The following NRG1 variants were observed in gnomAD, a reference collection of about 807,000 sequenced individuals.
NRG1 encodes the protein pro-neuregulin-1, membrane-bound isoform.
Under a neutral mutation model 63.8 loss-of-function variants are expected in NRG1, and 18 were observed. That is an observed-to-expected ratio of 0.28 (90% CI 0.19 to 0.42). The LOEUF is 0.42. NRG1 is among the 10% of genes least tolerant of loss of function. The probability of loss-of-function intolerance (pLI) is 1.00; values close to 1 mark genes in which losing one functional copy is unlikely to be tolerated. For synonymous variants in NRG1, 302 were observed against 301.3 expected (o/e 1.00, Z -0.02); for missense variants, 762 against 814.7 (o/e 0.94, Z 0.79).
chr8:31,648,617 AT>A (rs1804540672), intron 1 of NRG1, among the ~76,000 whole-genome samples: 1 of 152,010 alleles, frequency 6.6e-6, no homozygotes, highest in Non-Finnish European at 1.5e-5. Flanking sequence ...TGCCTCTCTG[AT>A]TTTTACTAAG....
At chr8:31,752,985 T>G (rs1265818038) in intron 1 of NRG1, among the ~76,000 whole-genome samples, 1 of 152,100 alleles carries the variant, frequency 6.6e-6, no homozygotes, top group Non-Finnish European at 1.5e-5. Context: ...TGTCACTAAC[T>G]TGCTGTGTCA....
At chr8:32,430,318 C>T (rs898264239) in intron 1 of NRG1, among the ~76,000 whole-genome samples, 1 of 152,172 alleles carries the variant, frequency 6.6e-6, no homozygotes, top group Non-Finnish European at 1.5e-5. Context: ...TATAATATTT[C>T]TCTGCTTCAC....
At chr8:32,568,782 A>G (rs1400943702) in intron 1 of NRG1, among the ~76,000 whole-genome samples, 1 of 152,366 alleles carries the variant, frequency 6.6e-6, no homozygotes, top group East Asian at 1.9e-4. Flanking sequence ...CTTTGAAAAT[A>G]GTATCTAGGT....
At chr8:32,596,249 G>A (rs552952052) in intron 2 of NRG1, among the ~76,000 whole-genome samples, 1 of 152,276 alleles carries the variant, frequency 6.6e-6, no homozygotes, top group South Asian at 2.1e-4. Context: ...AGTAAGAAGA[G>A]ATGGAAGGGA....
chr8:32,665,398 T>A (rs1803880914), intron 5 of NRG1, among the ~76,000 whole-genome samples: 2 of 152,194 alleles, frequency 1.3e-5, no homozygotes, highest in South Asian at 4.1e-4. Context: ...TCCTGTTTAT[T>A]CATGGAGTAT....
intron 1 of NRG1, among the ~76,000 whole-genome samples, chr8:32,358,802 G>C (rs372206766): frequency 6.6e-6 from 1 of 152,186 alleles, no homozygotes; most frequent in East Asian, 1.9e-4. Flanking sequence ...AGTCAGGAGA[G>C]GGCCAAAGAC....
chr8:31,692,345 G>T (rs964177554), intron 1 of NRG1, among the ~76,000 whole-genome samples: 2 of 152,100 alleles, frequency 1.3e-5, no homozygotes, highest in African/African-American at 4.8e-5. Flanking sequence ...TTTCACTGTG[G>T]TCTTAACTGG....
chr8:32,381,327 G>C (rs1271415002), intron 1 of NRG1, among the ~76,000 whole-genome samples: 1 of 152,098 alleles, frequency 6.6e-6, no homozygotes, highest in Non-Finnish European at 1.5e-5. Flanking sequence ...AGCCCCTAAA[G>C]TAGCCCCACA....
chr8:32,153,743 A>T (rs950067100), intron 1 of NRG1, among the ~76,000 whole-genome samples: 8 of 152,164 alleles, frequency 5.3e-5, no homozygotes, highest in African/African-American at 1.7e-4. Flanking sequence ...AGGTTAGAAA[A>T]CTTGAGAATC....
intron 1 of NRG1, among the ~76,000 whole-genome samples, chr8:31,929,723 T>C (rs556743003): frequency 1.5e-4 from 23 of 152,328 alleles, no homozygotes; most frequent in African/African-American, 5.5e-4. Flanking sequence ...CTACCTTTGA[T>C]AACACACTAA....
intron 6 of NRG1, among the ~76,000 whole-genome samples, chr8:32,732,799 C>CTTTTTT (rs1173388613): frequency 3.3e-3 from 271 of 83,292 alleles, no homozygotes; most frequent in East Asian, 3.9e-3. Context: ...TGTTTAATTT[C>CTTTTTT]TTTTTTTTTT....
exon 12 of NRG1, chr8:32,766,633 G>T (rs1831450597): frequency 6.6e-6 from 1 of 152,180 alleles, no homozygotes; most frequent in South Asian, 2.1e-4. Flanking sequence ...AGAAGTTTCT[G>T]TTGAGAACCA....
At chr8:31,715,246 G>A (rs192552512) in intron 1 of NRG1, among the ~76,000 whole-genome samples, 89 of 152,112 alleles carry the variant, frequency 5.9e-4, no homozygotes, top group African/African-American at 2.0e-3. Context: ...TATTAGAGGT[G>A]GAAACAAGAC....
At chr8:32,490,806 A>T (rs1324781798) in intron 1 of NRG1, among the ~76,000 whole-genome samples, 1 of 152,176 alleles carries the variant, frequency 6.6e-6, no homozygotes, top group Non-Finnish European at 1.5e-5. Flanking sequence ...GCCAAGTTTG[A>T]AAAAGAAAGA....
At chr8:32,023,292 A>G (rs1816740528) in intron 1 of NRG1, among the ~76,000 whole-genome samples, 1 of 152,234 alleles carries the variant, frequency 6.6e-6, no homozygotes, top group African/African-American at 2.4e-5. Context: ...AGGATGTTAT[A>G]AGACATTGAG....
intron 1 of NRG1, among the ~76,000 whole-genome samples, chr8:31,819,557 A>G (rs1234862608): frequency 3.3e-5 from 5 of 152,224 alleles, no homozygotes; most frequent in African/African-American, 9.6e-5. Flanking sequence ...CATATTGTTC[A>G]TATTTTCAAC....
intron 5 of NRG1, among the ~76,000 whole-genome samples, chr8:32,657,975 A>AT (rs1801941990): frequency 1.3e-5 from 2 of 152,370 alleles, no homozygotes; most frequent in Non-Finnish European, 2.9e-5. Flanking sequence ...TTCAGTTGAC[A>AT]TCAAAAACAA....
At chr8:31,965,118 C>T (rs532001119) in intron 1 of NRG1, among the ~76,000 whole-genome samples, 3 of 152,202 alleles carry the variant, frequency 2.0e-5, no homozygotes, top group Non-Finnish European at 1.5e-5. Context: ...TAAGGAATTA[C>T]GAACATTGTA....
At chr8:32,729,436 C>A (rs1226280416) in intron 6 of NRG1, among the ~76,000 whole-genome samples, 1 of 152,168 alleles carries the variant, frequency 6.6e-6, no homozygotes. Context: ...CCAGCAGTCC[C>A]CAGCGAAAAC....
Sources: allele counts gnomAD v4.1 joint callset (sites outside exome capture counted in the v4.1 genomes callset), GRCh38; gene constraint gnomAD v4.1.1; transcripts MANE v1.5; gene names NCBI Gene and HGNC (gene_info 2026-07-23, HGNC 2026-07-21).